AP4E1: variants seen among roughly 807,000 people sequenced by gnomAD.
The protein encoded by AP4E1 is adaptor related protein complex 4 subunit epsilon 1.
In AP4E1, 56 loss-of-function variants were observed where a neutral mutation model predicts 128.2. The ratio of observed to expected loss-of-function variants is 0.44; its 90% CI spans 0.35 to 0.55. The LOEUF is 0.55. Among genes scored for constraint, AP4E1 ranks in the 20% least tolerant of loss-of-function variants. The pLI is 0.00. For synonymous variants in AP4E1, 484 were observed against 473.1 expected (o/e 1.02, Z -0.30); for missense variants, 1,324 against 1,307.7 (o/e 1.01, Z -0.19).
At chr15:50,915,742 G>A in intron 3 of AP4E1, 171 bp downstream of exon 3, 2 of 788,384 alleles carry the variant, frequency 2.5e-6, no homozygotes, top group Non-Finnish European at 3.9e-6. Context: ...TAGGAAATCA[G>A]TTTTCCTGAT....
intron 7 of AP4E1, among the ~76,000 whole-genome samples, chr15:50,933,683 A>G (rs1335283687): frequency 6.6e-6 from 1 of 152,160 alleles, no homozygotes; most frequent in Non-Finnish European, 1.5e-5. Context: ...CTGGATTCTT[A>G]ATTATTGGAT....
At chr15:50,917,706 A>G (rs1006327055) in intron 3 of AP4E1, among the ~76,000 whole-genome samples, 7 of 152,230 alleles carry the variant, frequency 4.6e-5, no homozygotes, top group African/African-American at 1.7e-4. Context: ...AAACTTACAG[A>G]TGAATAACTT....
chr15:50,987,477 T>A (rs865940163), intron 16 of AP4E1, among the ~76,000 whole-genome samples: 2 of 152,228 alleles, frequency 1.3e-5, no homozygotes, highest in Non-Finnish European at 2.9e-5. Context: ...ACTTTAAATG[T>A]GTCCCAGAGA....
In AP4E1 at chr15:51,004,750, C is replaced by A. The variant is rs2065001275; in HGVS notation, c.*2088C>A. ...ATATTTTTATGATTTTAAAAACAAA[C>A]AATAATAGAAAAACAGATTTTAAGG... On this transcript the variant is annotated 3_prime_UTR_variant, in exon 21 of 21. Coordinates refer to ENST00000261842, the MANE Select transcript of AP4E1 (RefSeq NM_007347.5). The A allele has an allele frequency of 1.3e-5, 2 of 152,450 alleles. No individual in the cohort carries two copies. Among genetic ancestry groups the A allele is most frequent in the Non-Finnish European group, 1.5e-5 (1 of 67,992 alleles). The allele number at this position is 152,450 out of a possible 1,614,324, so 9.4% of individuals were successfully genotyped here. A position where few individuals can be genotyped will look rare whatever the true frequency, so the allele number is the denominator to read the frequency against.
intron 3 of AP4E1, among the ~76,000 whole-genome samples, chr15:50,917,015 C>T (rs1440442999): frequency 2.0e-5 from 3 of 152,090 alleles, no homozygotes; most frequent in Non-Finnish European, 4.4e-5. Context: ...GTCATATTCA[C>T]GATTTTCAGT....
rs536413778 is a variant in AP4E1, at chr15:50,914,830, A to AC, written c.223-614dup. The stretch of plus-strand genomic sequence containing the variant: ...TGGCTTGCATTGAAGATATTAAAAG[A>AC]CCCCATTAGAAAACTAAATATTATT... On this transcript the variant is annotated intron_variant, in intron 2 of 20. Coordinates refer to ENST00000261842, the MANE Select transcript of AP4E1 (RefSeq NM_007347.5). Among the ~76,000 whole-genome samples the AC allele has an allele frequency of 4.6e-5, 7 of 152,248 alleles. 1 individual carries two copies. In the South Asian group the frequency reaches 1.5e-3, roughly 32 times the overall value.
At chr15:50,948,293 C>T (rs2064091072) in intron 11 of AP4E1, 134 bp downstream of exon 11, 6 of 1,145,314 alleles carry the variant, frequency 5.2e-6, no homozygotes, top group Non-Finnish European at 7.5e-6. Flanking sequence ...ATTTTCAAGC[C>T]TCTCTTGTCA....
intron 14 of AP4E1, among the ~76,000 whole-genome samples, chr15:50,966,662 C>T (rs961890070): frequency 6.6e-6 from 1 of 151,672 alleles, no homozygotes; most frequent in Non-Finnish European, 1.5e-5. Context: ...CTCAGCCTCC[C>T]GAGTAGCTGG....
intron 15 of AP4E1, among the ~76,000 whole-genome samples, chr15:50,980,178 C>CT (rs1173696142): frequency 3.9e-5 from 6 of 152,142 alleles, no homozygotes; most frequent in Non-Finnish European, 8.8e-5. Flanking sequence ...TACTTAATCT[C>CT]TAAGTTCATT....
upstream of AP4E1, among the ~76,000 whole-genome samples, chr15:50,908,145 T>A (rs1418289650): frequency 2.0e-5 from 3 of 152,126 alleles, no homozygotes; most frequent in Admixed American, 1.3e-4. Flanking sequence ...GAAGCGACAG[T>A]GGCCGCGAGT....
chr15:50,953,953 G>T (rs138488097), intron 13 of AP4E1, among the ~76,000 whole-genome samples: 1 of 152,312 alleles, frequency 6.6e-6, no homozygotes, highest in Non-Finnish European at 1.5e-5. Flanking sequence ...AGTGGAAGAC[G>T]TGATCAGAAG....
rs757203565 is a variant in AP4E1, at chr15:50,993,636, G to A, written c.2346+11G>A. 213 of 1,613,646 alleles carry A rather than the reference G, an allele frequency of 1.3e-4. No individual in the cohort carries two copies. Among genetic ancestry groups the A allele is most frequent in the Non-Finnish European group, 1.6e-4 (191 of 1,179,818 alleles). The stretch of plus-strand genomic sequence containing the variant: ...AGTACAATCAACCTGGTAAGTAATC[G>A]GTTCTATTCCTGTAAGAATCTTTGT... On this transcript the variant is annotated intron_variant, in intron 17 of 20. Transcript: ENST00000261842.
At position 50,993,463 on chromosome 15, in the gene AP4E1, A is replaced by G; in HGVS notation, c.2184A>G (p.Gly728=). Residue 728 remains glycine (G), a synonymous_variant, in exon 17 of 21, where the codon GGA becomes GGG. Coordinates refer to ENST00000261842, the MANE Select transcript of AP4E1 (RefSeq NM_007347.5). ...AAAGCAAAACTGGTGATGAAAGTGG[A>G]GCTCTGCCTGTTCCTCAAGAGAGTA... ...KKESKTGDES[G]ALPVPQESIM... 6.2e-7 allele frequency: 1 copy of G among 1,614,008 alleles called. No individual in the cohort carries two copies. The highest frequency in any genetic ancestry group is 2.2e-5 in the East Asian group (1 of 44,830).
intron 15 of AP4E1, among the ~76,000 whole-genome samples, chr15:50,981,883 C>T (rs1162601834): frequency 1.3e-5 from 2 of 151,910 alleles, no homozygotes; most frequent in African/African-American, 4.8e-5. Flanking sequence ...GTTGAGGGTT[C>T]GAGACCAGCC....
intron 14 of AP4E1, among the ~76,000 whole-genome samples, chr15:50,959,555 A>C (rs947918207): frequency 5.9e-5 from 9 of 152,210 alleles, no homozygotes; most frequent in African/African-American, 2.2e-4. Context: ...CCCTAAAAGA[A>C]ATGTTTGAGG....
intron 16 of AP4E1, among the ~76,000 whole-genome samples, chr15:50,985,777 T>C (rs1160206478): frequency 6.6e-6 from 1 of 152,214 alleles, no homozygotes; most frequent in Admixed American, 6.5e-5. Context: ...TGGCTTAGGA[T>C]TGACTTGGCA....
chr15:50,956,418 C>T (rs1279940807), intron 13 of AP4E1, among the ~76,000 whole-genome samples: 1 of 152,146 alleles, frequency 6.6e-6, no homozygotes, highest in Non-Finnish European at 1.5e-5. Flanking sequence ...GAAATTATTC[C>T]ATAAACACCA....
At chr15:50,908,557 C>T (rs12908516), upstream of AP4E1, 220,646 of 493,200 alleles carry the variant, frequency 0.45, 50,521 homozygotes, top group East Asian at 0.58. Flanking sequence ...CTTACGCGCG[C>T]AATCTCGAGC....
Position 50,993,400 on chromosome 15 carries a change from G to T in AP4E1, c.2121G>T (p.Lys707Asn), listed in dbSNP as rs1375543680. The T allele has an allele frequency of 1.9e-6, 3 of 1,613,964 alleles. No homozygotes were observed. The South Asian group carries it at 3.3e-5, about 18-fold the overall frequency. The change falls in exon 17 of 21, where the codon AAG becomes AAT. Residue 707 changes from lysine (K) to asparagine (N), a missense_variant. Lys to Asn is a moderately conservative substitution (Grantham distance 94). Coordinates refer to ENST00000261842, the MANE Select transcript of AP4E1 (RefSeq NM_007347.5). ...ETNSLKLEGI[K>N]KLWGKEGYLP... ...ATAGCTTGAAGCTGGAAGGTATAAAGAAATTGTGGGGGAAAGAAGGCTATC... is the reference window on the plus strand; with the variant it reads ...ATAGCTTGAAGCTGGAAGGTATAAATAAATTGTGGGGGAAAGAAGGCTATC...
Sources: gnomAD v4.1 joint callset for allele counts (sites outside exome capture counted in the v4.1 genomes callset) on GRCh38, gnomAD v4.1.1 for gene constraint, MANE v1.5 for transcripts, NCBI Gene and HGNC (gene_info 2026-07-23, HGNC 2026-07-21) for gene names.